The following SAMD12 variants were observed in gnomAD, a reference collection of about 807,000 sequenced individuals.
The protein encoded by SAMD12 is sterile alpha motif domain containing 12, also known as sterile alpha motif domain-containing protein 12.
In SAMD12, 9 loss-of-function variants were observed where a neutral mutation model predicts 15.0. That is an observed-to-expected ratio of 0.60 (90% CI 0.36 to 1.05). The LOEUF is 1.05. Among genes scored for constraint, SAMD12 ranks in the 50% least tolerant of loss-of-function variants. The pLI is 0.01. For missense variants in SAMD12, 230 were observed against 234.2 expected, an observed-to-expected ratio of 0.98 and a Z score of 0.12; for synonymous variants, 86 against 90.1, an observed-to-expected ratio of 0.96 and a Z score of 0.25.
At chr8:118,323,040 T>C (rs1816366794) in intron 4 of SAMD12, among the ~76,000 whole-genome samples, 1 of 152,146 alleles carries the variant, frequency 6.6e-6, no homozygotes, top group Non-Finnish European at 1.5e-5. Context: ...CTGTGTTTAC[T>C]TGTTGAAGGC....
chr8:118,547,307 T>G (rs1445588435), intron 2 of SAMD12, among the ~76,000 whole-genome samples: 1 of 152,198 alleles, frequency 6.6e-6, no homozygotes, highest in Non-Finnish European at 1.5e-5. Context: ...ATCGCCAATT[T>G]GTTGGCCAAA....
intron 4 of SAMD12, among the ~76,000 whole-genome samples, chr8:118,269,027 G>T (rs1003120329): frequency 6.6e-5 from 10 of 152,082 alleles, no homozygotes; most frequent in South Asian, 2.1e-4. Context: ...GTGGGGATCT[G>T]ATTGTTTCTC....
rs968964160 is a variant in SAMD12, at chr8:118,562,428, T to TA, written c.192+18286dup. Among the ~76,000 whole-genome samples the TA allele has an allele frequency of 7.3e-5, 11 of 151,548 alleles. 1 individual carries two copies. Among genetic ancestry groups the TA allele is most frequent in the African/African-American group, 2.4e-4 (10 of 41,294 alleles). ...AATAAAGAAAAGTAAAAGAGGTTAT[T>TA]AAAAAAAAGAAAGGAGGGAAAAGTC... is the stretch of plus-strand genomic sequence containing the variant. On this transcript the variant is annotated intron_variant, in intron 2 of 3. Coordinates refer to ENST00000314727, the MANE Select transcript of SAMD12 (RefSeq NM_207506.3).
At chr8:118,356,169 C>T (rs1338340337) in intron 4 of SAMD12, among the ~76,000 whole-genome samples, 1 of 152,152 alleles carries the variant, frequency 6.6e-6, no homozygotes, top group Admixed American at 6.5e-5. Context: ...ATATGTGCTC[C>T]CATTTTACTT....
At chr8:118,349,025 C>T (rs1182965317) in intron 4 of SAMD12, among the ~76,000 whole-genome samples, 1 of 152,170 alleles carries the variant, frequency 6.6e-6, no homozygotes, top group Non-Finnish European at 1.5e-5. Context: ...TAGAGCAAGA[C>T]TCTAAACAGC....
At chr8:118,548,535 G>A (rs1378380749) in intron 2 of SAMD12, among the ~76,000 whole-genome samples, 1 of 152,134 alleles carries the variant, frequency 6.6e-6, no homozygotes, top group East Asian at 1.9e-4. Context: ...ATCTACAACT[G>A]GAGGGGAGGA....
intron 1 of SAMD12, among the ~76,000 whole-genome samples, chr8:118,599,673 G>T (rs1015583388): frequency 2.6e-5 from 4 of 152,192 alleles, no homozygotes; most frequent in Admixed American, 6.5e-5. Flanking sequence ...GCTACAGTGT[G>T]GGAACTGGCC....
chr8:118,379,907 T>C (rs1240150688), intron 3 of SAMD12, among the ~76,000 whole-genome samples: 2 of 152,196 alleles, frequency 1.3e-5, no homozygotes, highest in Admixed American at 1.3e-4. Flanking sequence ...ACCCTAACTT[T>C]TAATTGAACA....
At chr8:118,216,039 C>T (rs1811952114) in intron 4 of SAMD12, among the ~76,000 whole-genome samples, 1 of 151,788 alleles carries the variant, frequency 6.6e-6, no homozygotes, top group Non-Finnish European at 1.5e-5. Flanking sequence ...GGAATCACCA[C>T]ACTGACTTCC....
At chr8:118,321,216 T>A (rs1816259717) in intron 4 of SAMD12, among the ~76,000 whole-genome samples, 1 of 138,952 alleles carries the variant, frequency 7.2e-6, no homozygotes, top group African/African-American at 2.7e-5. Context: ...ATTCTTTCCA[T>A]GGTTCCTTGA....
At chr8:118,612,826 T>C (rs1296007476) in intron 1 of SAMD12, among the ~76,000 whole-genome samples, 1 of 152,296 alleles carries the variant, frequency 6.6e-6, no homozygotes, top group East Asian at 1.9e-4. Flanking sequence ...CTTCAATTAG[T>C]GAATAAACTG....
In SAMD12 at chr8:118,379,592, TCTC is replaced by T. The variant is rs1819558363; in HGVS notation, c.428_430del (p.Arg143_Glu144delinsGln). ...GAGTAACTGTAGATTTCTGACTTCT[TCTC>T]GCACCTTCAGCTGGAGCACCTGTTG... On this transcript the variant is annotated inframe_deletion, in exon 4 of 4. Transcript: ENST00000314727. 1 of 1,613,966 alleles carries T rather than the reference TCTC, an allele frequency of 6.2e-7. No homozygotes were observed. The highest frequency in any genetic ancestry group is 8.5e-7 in the Non-Finnish European group (1 of 1,179,908).
chr8:118,374,413 T>C (rs1338996667), downstream of SAMD12, among the ~76,000 whole-genome samples: 1 of 152,186 alleles, frequency 6.6e-6, no homozygotes, highest in East Asian at 1.9e-4. Context: ...CTTCTATCTC[T>C]TGCCTATTGT....
intron 4 of SAMD12, among the ~76,000 whole-genome samples, chr8:118,252,768 C>T (rs11562791): frequency 0.11 from 16,473 of 152,090 alleles, 2,808 homozygotes; most frequent in African/African-American, 0.36. Flanking sequence ...GTGTAGAAGG[C>T]GCTGGGAGCT....
At chr8:118,319,467 G>A (rs187044007) in intron 4 of SAMD12, among the ~76,000 whole-genome samples, 121 of 152,252 alleles carry the variant, frequency 7.9e-4, no homozygotes, top group African/African-American at 2.7e-3. Context: ...GAGAAGGAGA[G>A]GAAACCACTA....
At chr8:118,610,626 T>C (rs569328739) in intron 1 of SAMD12, among the ~76,000 whole-genome samples, 1 of 152,294 alleles carries the variant, frequency 6.6e-6, no homozygotes, top group African/African-American at 2.4e-5. Context: ...AAAATAACAT[T>C]AGTTCTTGTG....
chr8:118,150,833 G>T, the SAMD12 span, among the ~76,000 whole-genome samples: 1 of 152,152 alleles, frequency 6.6e-6, no homozygotes, highest in East Asian at 1.9e-4. Context: ...TGTTGCTGAT[G>T]AATTCTTTTA....
At chr8:118,146,991 T>C in the SAMD12 span, among the ~76,000 whole-genome samples, 1 of 152,102 alleles carries the variant, frequency 6.6e-6, no homozygotes, top group African/African-American at 2.4e-5. Context: ...TGATTTTATA[T>C]AATGCTTAGA....
chr8:118,144,245 G>A, the SAMD12 span, among the ~76,000 whole-genome samples: 25 of 152,218 alleles, frequency 1.6e-4, no homozygotes, highest in South Asian at 8.3e-4. Context: ...TTACATCTTC[G>A]AAGACTTTTC....
Sources: allele counts gnomAD v4.1 joint callset (sites outside exome capture counted in the v4.1 genomes callset), GRCh38; gene constraint gnomAD v4.1.1; transcripts MANE v1.5; gene names NCBI Gene and HGNC (gene_info 2026-07-23, HGNC 2026-07-21).